RANBP2: variants seen among roughly 807,000 people sequenced by gnomAD.
RANBP2 encodes the protein E3 SUMO-protein ligase RanBP2.
A neutral mutation model predicts 303.6 loss-of-function variants in RANBP2; 57 were observed. The observed-to-expected ratio is 0.19, with a 90% CI of 0.15 to 0.23. The LOEUF is 0.23. RANBP2 is among the 10% of genes least tolerant of loss of function. The probability of loss-of-function intolerance (pLI) is 1.00; values close to 1 mark genes in which losing one functional copy is unlikely to be tolerated. For missense variants in RANBP2, 3,138 were observed against 3,780.8 expected, an observed-to-expected ratio of 0.83 and a Z score of 4.46; for synonymous variants, 1,167 against 1,301.5, an observed-to-expected ratio of 0.90 and a Z score of 2.23.
rs199920895 is a variant in RANBP2 at position 108,766,339 on chromosome 2, C to A, written c.5800C>A (p.Arg1934Ser). 11 of 1,611,768 alleles carry A rather than the reference C, an allele frequency of 6.8e-6. No homozygotes were observed. The highest frequency in any genetic ancestry group is 1.3e-5 in the African/African-American group (1 of 74,786). Residue 1934 changes from arginine to serine, a missense_variant, in exon 20 of 29, where the codon CGT (arginine) becomes AGT (serine). Physicochemically the swap from Arg to Ser is moderately radical, Grantham distance 110. Around this residue, in one of 20 missense-constraint regions of RANBP2, gnomAD observed 348 missense variants for 360.4 expected, o/e 0.97. Transcript: ENST00000283195. ...AQDISGQKNG[R>S]GVIFGQTSST... ...GGATATTAGTGGCCAGAAGAATGGCCGTGGTGTGATTTTTGGCCAAACAAG... is the reference window on the plus strand; with the variant it reads ...GGATATTAGTGGCCAGAAGAATGGCAGTGGTGTGATTTTTGGCCAAACAAG...
chr2:109,174,157 C>G, the RANBP2 span, among the ~76,000 whole-genome samples: 4 of 152,198 alleles, frequency 2.6e-5, no homozygotes, highest in African/African-American at 9.7e-5. Flanking sequence ...ACCAGAGGCT[C>G]CAGGATGTTG....
chr2:109,748,011 C>CTTTT, the RANBP2 span, among the ~76,000 whole-genome samples: 1 of 52,484 alleles, frequency 1.9e-5, no homozygotes, highest in Non-Finnish European at 3.4e-5. Flanking sequence ...ACATTTATAC[C>CTTTT]TTTTTTTTTT....
intron 7 of RANBP2, among the ~76,000 whole-genome samples, chr2:108,741,747 A>G (rs375937777): frequency 7.2e-6 from 1 of 138,788 alleles, no homozygotes; most frequent in African/African-American, 2.7e-5. Context: ...CTCCTGACCT[A>G]GTCATCCACC....
the RANBP2 span, among the ~76,000 whole-genome samples, chr2:109,632,775 C>T: frequency 2.6e-3 from 396 of 151,476 alleles, 2 homozygotes; most frequent in Middle Eastern, 0.024. Context: ...GCCGAGATCA[C>T]GCCACTGCAC....
chr2:109,536,601 T>G, the RANBP2 span, among the ~76,000 whole-genome samples: 1 of 152,156 alleles, frequency 6.6e-6, no homozygotes, highest in African/African-American at 2.4e-5. Context: ...ACTGTGGACT[T>G]TTGAGTTAAT....
the RANBP2 span, chr2:109,419,510 C>T: frequency 1.3e-6 from 2 of 1,560,680 alleles, no homozygotes; most frequent in Non-Finnish European, 1.7e-6. Context: ...TCTGTCTCCT[C>T]ACTCCTGTCC....
At chr2:109,167,241 C>A in the RANBP2 span, among the ~76,000 whole-genome samples, 13 of 152,124 alleles carry the variant, frequency 8.5e-5, no homozygotes, top group African/African-American at 3.1e-4. Context: ...CATTTTTAGA[C>A]CAAAATGTAG....
In RANBP2 at chr2:108,719,596, T is replaced by A. The variant is rs372659584; in HGVS notation, c.-11T>A. On this transcript the variant is annotated 5_prime_UTR_variant, in exon 1 of 29. The change creates a new upstream start codon in the 5' untranslated region. Coordinates refer to ENST00000283195, the MANE Select transcript of RANBP2 (RefSeq NM_006267.5). ...GGTCTCACGCGCCTCGGGAGCCAGG[T>A]TGGCGGCGCGATGAGGCGCAGCAAG... 4 of 1,602,232 alleles carry A rather than the reference T, an allele frequency of 2.5e-6. No homozygotes were observed. Among genetic ancestry groups the A allele is most frequent in the Non-Finnish European group, 3.4e-6 (4 of 1,175,904 alleles).
chr2:109,465,692 C>G, the RANBP2 span, among the ~76,000 whole-genome samples: 1 of 152,182 alleles, frequency 6.6e-6, no homozygotes, highest in Non-Finnish European at 1.5e-5. Flanking sequence ...AGCATAGCAG[C>G]TTTTACTTCT....
the RANBP2 span, chr2:109,371,517 G>T: frequency 3.0e-6 from 4 of 1,346,308 alleles, no homozygotes; most frequent in Non-Finnish European, 4.2e-6. Flanking sequence ...GTACTAACCA[G>T]TGTCTTGCTT....
chr2:109,243,183 T>C, the RANBP2 span, among the ~76,000 whole-genome samples: 1 of 152,218 alleles, frequency 6.6e-6, no homozygotes, highest in African/African-American at 2.4e-5. Context: ...GAGGAAAGCT[T>C]CTTGAGGTCT....
At chr2:108,892,505 CCAGGACAG>C in the RANBP2 span, among the ~76,000 whole-genome samples, 2 of 152,168 alleles carry the variant, frequency 1.3e-5, no homozygotes, top group Non-Finnish European at 2.9e-5. Context: ...CCTCTGGGCC[CCAGGACAG>C]CATGCAATCT....
the RANBP2 span, among the ~76,000 whole-genome samples, chr2:109,199,364 GGAAT>G: frequency 1.6e-4 from 1 of 6,306 alleles, no homozygotes; most frequent in African/African-American, 6.5e-4. Flanking sequence ...GGAATGGAAT[GGAAT>G]GGAATGGAAT....
the RANBP2 span, among the ~76,000 whole-genome samples, chr2:109,367,874 G>C: frequency 1.3e-5 from 2 of 152,178 alleles, no homozygotes; most frequent in African/African-American, 4.8e-5. Context: ...ATATTTGATA[G>C]GAATCACCGA....
chr2:108,783,462 A>G (rs1254817611), intron 28 of RANBP2, 134 bp from the exon 29 acceptor site: 12 of 614,494 alleles, frequency 2.0e-5, no homozygotes, highest in Middle Eastern at 4.4e-4. Flanking sequence ...TTAGTTTTCA[A>G]ACTATACTCA....
chr2:109,739,113 T>C, the RANBP2 span, among the ~76,000 whole-genome samples: 1 of 129,998 alleles, frequency 7.7e-6, no homozygotes, highest in African/African-American at 3.1e-5. Flanking sequence ...CATTGGTCTA[T>C]GTACATGGTT....
chr2:109,602,435 G>A, the RANBP2 span, among the ~76,000 whole-genome samples: 1 of 152,094 alleles, frequency 6.6e-6, no homozygotes, highest in Non-Finnish European at 1.5e-5. Flanking sequence ...CAGCACCTTG[G>A]GAGGCCAAGG....
At chr2:108,858,173 G>T in the RANBP2 span, among the ~76,000 whole-genome samples, 1 of 152,090 alleles carries the variant, frequency 6.6e-6, no homozygotes, top group Non-Finnish European at 1.5e-5. Flanking sequence ...GTGAAACCCC[G>T]TCTGTACTAA....
At chr2:109,255,957 T>A in the RANBP2 span, among the ~76,000 whole-genome samples, 1 of 152,244 alleles carries the variant, frequency 6.6e-6, no homozygotes, top group African/African-American at 2.4e-5. Context: ...TCTTGCTTAG[T>A]GAATAGGATG....
Sources: gnomAD v4.1 joint callset for allele counts (sites outside exome capture counted in the v4.1 genomes callset) on GRCh38, gnomAD v4.1.1 for gene constraint, gnomAD v4.1.1 regional missense constraint, MANE v1.5 for transcripts, NCBI Gene and HGNC (gene_info 2026-07-23, HGNC 2026-07-21) for gene names.